The following PID1 variants were observed in gnomAD, a reference collection of about 807,000 sequenced individuals.
PID1 encodes the protein phosphotyrosine interaction domain containing 1.
Under a neutral mutation model 19.1 loss-of-function variants are expected in PID1, and 10 were observed. That is an observed-to-expected ratio of 0.52 (90% CI 0.32 to 0.89). The LOEUF (loss-of-function observed/expected upper bound fraction) is 0.89, where lower values mean the gene tolerates loss of function less well. Ranked by LOEUF, PID1 falls within the 40% of genes least tolerant of loss-of-function variation. The pLI, the probability that PID1 is intolerant of heterozygous loss-of-function variation, is 0.03. For synonymous variants in PID1, 130 were observed against 116.0 expected (o/e 1.12, Z -0.78); for missense variants, 248 against 285.3 (o/e 0.87, Z 0.94).
rs1559221873 is a variant in PID1, at chr2:229,075,509, GT to G, written c.178-49402del. On this transcript the variant is annotated intron_variant, in intron 2 of 2. Transcript: ENST00000392055. Reference sequence around the variant, plus strand: ...CAACAAAACCTCCACAACTTTATATGTTTGGATTTTAAAGTAAACTCCATAA... The same window carrying G: ...CAACAAAACCTCCACAACTTTATATGTTGGATTTTAAAGTAAACTCCATAA... 9.9e-5 allele frequency among the ~76,000 whole-genome samples: 15 copies of G among 152,222 alleles called. 2 individuals are homozygous for G. In the South Asian group the frequency reaches 3.1e-3, roughly 32 times the overall value.
intron 1 of PID1, among the ~76,000 whole-genome samples, chr2:229,228,383 T>A: frequency 6.6e-6 from 1 of 152,352 alleles, no homozygotes; most frequent in East Asian, 1.9e-4. Flanking sequence ...ACAATTTATA[T>A]TTATATTTAC....
At position 229,086,910 on chromosome 2, in the gene PID1, TACACAC is replaced by T. The variant is rs3083831; in HGVS notation, c.178-60808_178-60803del. Among the ~76,000 whole-genome samples, 10 of 150,040 alleles carry T rather than the reference TACACAC, an allele frequency of 6.7e-5. No individual in the cohort carries two copies. The South Asian group carries it at 8.5e-4, about 13-fold the overall frequency. ...AGTTAAGTATGCTTGCACACGTGTGTACACACACACACACACACACACACACACTGA... is the reference window on the plus strand; with the variant it reads ...AGTTAAGTATGCTTGCACACGTGTGTACACACACACACACACACACACTGA... On this transcript the variant is annotated intron_variant, in intron 2 of 2. Coordinates refer to ENST00000392055, the MANE Select transcript of PID1 (RefSeq NM_001100818.2).
intron 2 of PID1, among the ~76,000 whole-genome samples, chr2:229,064,636 T>C (rs7563963): frequency 0.078 from 11,862 of 152,178 alleles, 531 homozygotes; most frequent in Middle Eastern, 0.12. Flanking sequence ...TATTCGAAAG[T>C]GAAAAAGCAT....
chr2:229,180,239 A>C (rs1266543518), intron 1 of PID1, among the ~76,000 whole-genome samples: 1 of 152,208 alleles, frequency 6.6e-6, no homozygotes, highest in Non-Finnish European at 1.5e-5. Flanking sequence ...TGGTCGACTC[A>C]TCAAAGATTA....
intron 2 of PID1, among the ~76,000 whole-genome samples, chr2:229,155,433 GC>G (rs1433370920): frequency 6.6e-6 from 1 of 151,996 alleles, no homozygotes; most frequent in Non-Finnish European, 1.5e-5. Flanking sequence ...GGGCATGGTG[GC>G]GGGTGCCTGT....
At chr2:229,077,660 G>T (rs2106207903) in intron 2 of PID1, among the ~76,000 whole-genome samples, 1 of 152,300 alleles carries the variant, frequency 6.6e-6, no homozygotes, top group Admixed American at 6.5e-5. Context: ...CCAATTGCTT[G>T]TTTCTGTAAG....
At chr2:229,239,058 T>C (rs1360068021) in intron 1 of PID1, among the ~76,000 whole-genome samples, 1 of 151,996 alleles carries the variant, frequency 6.6e-6, no homozygotes, top group Non-Finnish European at 1.5e-5. Flanking sequence ...TGTTGTCAAA[T>C]AACCAAAAGG....
intron 2 of PID1, among the ~76,000 whole-genome samples, chr2:229,066,480 T>C (rs1215377265): frequency 6.6e-6 from 1 of 152,150 alleles, no homozygotes; most frequent in Middle Eastern, 3.2e-3. Context: ...AAAACCATTC[T>C]AACTTTTATA....
intron 2 of PID1, among the ~76,000 whole-genome samples, chr2:229,081,984 TAAGTC>T (rs1248811979): frequency 2.0e-5 from 3 of 152,316 alleles, no homozygotes; most frequent in South Asian, 4.1e-4. Flanking sequence ...CAGCAACACT[TAAGTC>T]AAGAGAGTGA....
intron 2 of PID1, among the ~76,000 whole-genome samples, chr2:229,117,387 G>A (rs1349179517): frequency 6.6e-6 from 1 of 152,032 alleles, no homozygotes; most frequent in African/African-American, 2.4e-5. Flanking sequence ...TGGATAAGAT[G>A]TACCATGCTT....
chr2:229,204,624 C>T (rs190344005), intron 1 of PID1, among the ~76,000 whole-genome samples: 16 of 152,082 alleles, frequency 1.1e-4, no homozygotes, highest in Admixed American at 7.9e-4. Flanking sequence ...GGAGAAAACA[C>T]GACGGGTGAG....
At chr2:229,134,949 T>C (rs1689830047) in intron 2 of PID1, among the ~76,000 whole-genome samples, 1 of 152,110 alleles carries the variant, frequency 6.6e-6, no homozygotes, top group Admixed American at 6.5e-5. Context: ...CCTATTTTAG[T>C]TCTGCCCTCA....
chr2:229,118,555 CGT>C, intron 2 of PID1, among the ~76,000 whole-genome samples: 1 of 152,110 alleles, frequency 6.6e-6, no homozygotes, highest in East Asian at 1.9e-4. Flanking sequence ...CTGCTGATCC[CGT>C]GTCTTGAGAT....
intron 2 of PID1, among the ~76,000 whole-genome samples, chr2:229,044,629 G>T (rs1241378969): frequency 6.6e-6 from 1 of 152,186 alleles, no homozygotes; most frequent in Non-Finnish European, 1.5e-5. Flanking sequence ...GGACAATAAT[G>T]AAGATAAGTC....
At chr2:229,073,417 A>T (rs1694497093) in intron 2 of PID1, among the ~76,000 whole-genome samples, 1 of 152,254 alleles carries the variant, frequency 6.6e-6, no homozygotes, top group Admixed American at 6.5e-5. Context: ...ACTAAGCTTC[A>T]TCAAAAAATG....
rs1693357170 is a variant in PID1, at chr2:229,024,050, C to T, written c.*1582G>A. 1 of 152,638 alleles carries T rather than the reference C, an allele frequency of 6.6e-6. No homozygotes were observed. Among genetic ancestry groups the T allele is most frequent in the Admixed American group, 6.5e-5 (1 of 15,272 alleles). 9.5% of individuals were successfully genotyped at this position (152,638 alleles called of 1,614,324 possible). Reference sequence around the variant, plus strand: ...TGCATTTATGCTAAAGAATAGCTTACATATGTTGTAAAGCAACAAGCATAT... The same window carrying T: ...TGCATTTATGCTAAAGAATAGCTTATATATGTTGTAAAGCAACAAGCATAT... On this transcript the variant is annotated 3_prime_UTR_variant, in exon 3 of 3. Transcript: ENST00000392055.
intron 2 of PID1, among the ~76,000 whole-genome samples, chr2:229,109,666 T>C (rs188371904): frequency 2.0e-5 from 3 of 152,356 alleles, no homozygotes; most frequent in East Asian, 3.9e-4. Flanking sequence ...TGTCTACTTT[T>C]GTTACAATTA....
intron 1 of PID1, among the ~76,000 whole-genome samples, chr2:229,231,770 G>C (rs1223200898): frequency 6.6e-6 from 1 of 152,112 alleles, no homozygotes; most frequent in African/African-American, 2.4e-5. Flanking sequence ...TGTTGCCATG[G>C]ATGTGTCTCA....
chr2:229,126,059 G>A (rs1695616559), intron 2 of PID1, among the ~76,000 whole-genome samples: 1 of 152,132 alleles, frequency 6.6e-6, no homozygotes, highest in Non-Finnish European at 1.5e-5. Context: ...TCTCCTTGAA[G>A]CCATCCCGCA....
Sources: allele counts gnomAD v4.1 joint callset (sites outside exome capture counted in the v4.1 genomes callset), GRCh38; gene constraint gnomAD v4.1.1; transcripts MANE v1.5; gene names NCBI Gene and HGNC (gene_info 2026-07-23, HGNC 2026-07-21).